The following LIMCH1 variants were observed in gnomAD, a reference collection of about 807,000 sequenced individuals.
LIMCH1 encodes the protein LIM and calponin homology domains 1, also known as LIM and calponin homology domains-containing protein 1.
LIMCH1 carries 113 observed loss-of-function variants against 176.5 expected under a neutral mutation model. The observed-to-expected ratio is 0.64, with a 90% CI of 0.55 to 0.75. The LOEUF (loss-of-function observed/expected upper bound fraction) is 0.75, where lower values mean the gene tolerates loss of function less well. Among genes scored for constraint, LIMCH1 ranks in the 30% least tolerant of loss-of-function variants. LIMCH1 has a pLI of 0.00. For synonymous variants in LIMCH1, 619 were observed against 645.9 expected, an observed-to-expected ratio of 0.96 and a Z score of 0.63; for missense variants, 1,674 against 1,814.9, an observed-to-expected ratio of 0.92 and a Z score of 1.41.
chr4:41,629,801 G>C lies in LIMCH1; in HGVS notation c.1271+67G>C. The C allele has an allele frequency of 4.2e-6, 6 of 1,441,586 alleles. No individual in the cohort carries two copies. The South Asian group carries it at 8.6e-5, about 21-fold the overall frequency. The allele number at this position is 1,441,586 out of a possible 1,614,324, so 89.3% of individuals were successfully genotyped here. Reference sequence around the variant, plus strand: ...GTATTTCATTTTGAAGGCATCAAATGCTTATCTTTGTGTCTTTTTTTTTTT... The same window carrying C: ...GTATTTCATTTTGAAGGCATCAAATCCTTATCTTTGTGTCTTTTTTTTTTT... On this transcript the variant is annotated intron_variant, in intron 9 of 31. Coordinates refer to ENST00000503057, the MANE Select transcript of LIMCH1 (RefSeq NM_001330672.2).
At chr4:41,602,082 T>G (rs2090012335) in intron 2 of LIMCH1, among the ~76,000 whole-genome samples, 1 of 145,946 alleles carries the variant, frequency 6.9e-6, no homozygotes, top group East Asian at 2.0e-4. Context: ...GGTGTGTGTG[T>G]GTGTGTGTGT....
In LIMCH1 at chr4:41,607,205, C is replaced by T. The variant is rs567909842; in HGVS notation, c.9+1201C>T. ...ATAAATGAACTAGAAACATTCAGTT[C>T]CTTGCAATTTTTCTTTTAATACTGA... is the stretch of plus-strand genomic sequence containing the variant. On this transcript the variant is annotated intron_variant, in intron 4 of 31. Coordinates refer to ENST00000503057, the MANE Select transcript of LIMCH1 (RefSeq NM_001330672.2). Among the ~76,000 whole-genome samples the T allele has an allele frequency of 3.9e-5, 6 of 152,286 alleles. No homozygotes were observed. The South Asian group carries it at 1.2e-3, about 32-fold the overall frequency.
At chr4:41,551,885 C>A (rs1271368386) in intron 1 of LIMCH1, among the ~76,000 whole-genome samples, 2 of 152,112 alleles carry the variant, frequency 1.3e-5, no homozygotes, top group African/African-American at 4.8e-5. Context: ...TTACCAATTC[C>A]TGTTATAGTG....
chr4:41,586,644 G>A (rs942117554), intron 1 of LIMCH1, among the ~76,000 whole-genome samples: 1 of 152,108 alleles, frequency 6.6e-6, no homozygotes. Flanking sequence ...AAACAATCTG[G>A]CCATATAATA....
At position 41,446,195 on chromosome 4, in the gene LIMCH1, C is replaced by T. The variant is rs150379991; in HGVS notation, c.97-48341C>T. ...GGAGAAAAATCTCTATTCTGCTAGT[C>T]GTTGGTTTTTGAAGCACAGATGGGG... On this transcript the variant is annotated intron_variant, in intron 1 of 26. Coordinates refer to the LIMCH1 transcript ENST00000313860. Among the ~76,000 whole-genome samples the T allele has an allele frequency of 7.9e-3, 1,205 of 152,022 alleles. 12 individuals are homozygous for T. The highest frequency in any genetic ancestry group is 0.027 in the African/African-American group (1,100 of 41,434).
chr4:41,522,654 C>T (rs2076237741), intron 2 of LIMCH1, among the ~76,000 whole-genome samples: 1 of 151,860 alleles, frequency 6.6e-6, no homozygotes, highest in Non-Finnish European at 1.5e-5. Flanking sequence ...TATTTTAAAC[C>T]AGAAGATTTG....
At chr4:41,636,340 C>CTTTTTTTTTTTTTTTTTTTTTTTCTT (rs35828085) in intron 13 of LIMCH1, among the ~76,000 whole-genome samples, 1 of 104,946 alleles carries the variant, frequency 9.5e-6, no homozygotes, top group African/African-American at 3.7e-5. Context: ...TGCTTTATTA[C>CTTTTTTTTTTTTTTTTTTTTTTTCTT]TTTTTTTTTT....
intron 1 of LIMCH1, among the ~76,000 whole-genome samples, chr4:41,412,967 C>G (rs2059617158): frequency 2.0e-5 from 3 of 152,148 alleles, no homozygotes; most frequent in Admixed American, 2.0e-4. Context: ...GGCCTCAAAT[C>G]TGGAGATCCT....
At chr4:41,623,483 T>G (rs2092724818) in intron 7 of LIMCH1, among the ~76,000 whole-genome samples, 1 of 152,176 alleles carries the variant, frequency 6.6e-6, no homozygotes, top group Non-Finnish European at 1.5e-5. Context: ...CTAGGCTGGG[T>G]GCGGTGGCCC....
upstream of LIMCH1, chr4:41,359,824 G>A (rs752987699): frequency 6.6e-6 from 1 of 152,208 alleles, no homozygotes; most frequent in African/African-American, 2.4e-5. Context: ...CAGCCAAAAG[G>A]GGGGAAGGCT....
Position 41,625,652 on chromosome 4 carries a change from A to G in LIMCH1, c.726-1056A>G, listed in dbSNP as rs934009613. On this transcript the variant is annotated intron_variant, in intron 7 of 31. Coordinates refer to ENST00000503057, the MANE Select transcript of LIMCH1 (RefSeq NM_001330672.2). Reference sequence around the variant, plus strand: ...TTTATATATTTTTTTAAGTCTGCATATCTAAATTGAGATCACTTGAAATGA... The same window carrying G: ...TTTATATATTTTTTTAAGTCTGCATGTCTAAATTGAGATCACTTGAAATGA... Among the ~76,000 whole-genome samples, 3 of 152,058 alleles carry G rather than the reference A, an allele frequency of 2.0e-5. No individual in the cohort carries two copies. The South Asian group carries it at 6.2e-4, about 32-fold the overall frequency.
intron 2 of LIMCH1, among the ~76,000 whole-genome samples, chr4:41,496,463 G>A (rs2072163476): frequency 1.3e-5 from 2 of 152,178 alleles, no homozygotes; most frequent in Admixed American, 1.3e-4. Context: ...AGCCAGTAGC[G>A]TGAACCTCTG....
intron 4 of LIMCH1, chr4:41,613,032 C>T (rs2091634489): frequency 6.4e-7 from 1 of 1,551,952 alleles, no homozygotes; most frequent in Non-Finnish European, 8.7e-7. Context: ...GCAAAAGTTG[C>T]ACAGCTAAAC....
chr4:41,506,619 T>C (rs1015779150), intron 2 of LIMCH1, among the ~76,000 whole-genome samples: 72 of 152,184 alleles, frequency 4.7e-4, no homozygotes, highest in African/African-American at 1.6e-3. Context: ...CTCCAAGATT[T>C]AATAAGAGGT....
intron 1 of LIMCH1, among the ~76,000 whole-genome samples, chr4:41,365,666 G>A (rs903366629): frequency 6.6e-6 from 1 of 152,222 alleles, no homozygotes; most frequent in Non-Finnish European, 1.5e-5. Flanking sequence ...CAAGGAAGGA[G>A]TAGTGGTCTG....
intron 1 of LIMCH1, among the ~76,000 whole-genome samples, chr4:41,462,250 G>A (rs1274108710): frequency 6.6e-6 from 1 of 152,154 alleles, no homozygotes; most frequent in East Asian, 1.9e-4. Flanking sequence ...CAAGTTGTTT[G>A]TGCTGGTCCC....
chr4:41,463,615 G>A (rs562676470), intron 1 of LIMCH1, among the ~76,000 whole-genome samples: 17 of 147,768 alleles, frequency 1.2e-4, no homozygotes, highest in African/African-American at 1.5e-4. Flanking sequence ...TCACTCTGTC[G>A]CCCAGGCTGT....
rs1358928381 is a variant in LIMCH1, at chr4:41,527,293, T to C, written c.237+2815T>C. On this transcript the variant is annotated intron_variant, in intron 3 of 26. Coordinates refer to the LIMCH1 transcript ENST00000313860. Reference sequence around the variant, plus strand: ...AAGTAAGATTTTGAATAACTATGGTTAACAGTTTGAAATTAAAGGCCTGCA... The same window carrying C: ...AAGTAAGATTTTGAATAACTATGGTCAACAGTTTGAAATTAAAGGCCTGCA... 2.0e-5 allele frequency among the ~76,000 whole-genome samples: 3 copies of C among 152,214 alleles called. No individual in the cohort carries two copies. In the East Asian group the frequency reaches 5.8e-4, roughly 29 times the overall value.
intron 1 of LIMCH1, among the ~76,000 whole-genome samples, chr4:41,460,458 C>CTATATATA (rs57517524): frequency 0.058 from 6,435 of 110,398 alleles, 633 homozygotes; most frequent in African/African-American, 0.14. Flanking sequence ...TAGTAATCAT[C>CTATATATA]TATATATATA....
Sources: allele counts gnomAD v4.1 joint callset (sites outside exome capture counted in the v4.1 genomes callset), GRCh38; gene constraint gnomAD v4.1.1; transcripts MANE v1.5; gene names NCBI Gene and HGNC (gene_info 2026-07-23, HGNC 2026-07-21).